SLC5A5: variants seen among roughly 807,000 people sequenced by gnomAD.
SLC5A5 encodes solute carrier family 5 member 5.
Under a neutral mutation model 68.6 loss-of-function variants are expected in SLC5A5, and 56 were observed. The observed-to-expected ratio is 0.82, with a 90% CI of 0.66 to 1.02. The LOEUF is 1.02. SLC5A5 is among the 50% of genes least tolerant of loss of function. The pLI is 0.00. For synonymous variants in SLC5A5, 398 were observed against 373.0 expected (o/e 1.07, Z -0.77); for missense variants, 807 against 859.8 (o/e 0.94, Z 0.77).
chr19:17,883,686 C>A lies in SLC5A5; in HGVS notation c.1248C>A (p.Ser416=). ...SLLGGGVLQG[S]FTVMGVISGP... ...ACTTCCACCTACTCTCCCAGGGCTC[C>A]TTCACCGTCATGGGAGTCATCAGCG... Residue 416 remains serine (S), a synonymous_variant, in exon 11 of 15, where the codon TCC becomes TCA. Transcript: ENST00000222248. The A allele has an allele frequency of 1.2e-6, 2 of 1,613,264 alleles. No individual in the cohort carries two copies. Among genetic ancestry groups the A allele is most frequent in the Non-Finnish European group, 1.7e-6 (2 of 1,179,696 alleles).
chr19:17,886,308 A>C (rs1300195273), intron 12 of SLC5A5, among the ~76,000 whole-genome samples: 2 of 131,972 alleles, frequency 1.5e-5, no homozygotes, highest in Non-Finnish European at 3.2e-5. Flanking sequence ...TAATTCTTTA[A>C]CTTTTTTTTT....
chr19:17,888,271 C>G (rs1439362084), intron 12 of SLC5A5, 60 bp from the exon 13 acceptor site: 2 of 1,606,508 alleles, frequency 1.2e-6, no homozygotes, highest in African/African-American at 1.3e-5. Context: ...GTTGGAACAG[C>G]TTTTGAGTGC....
rs557544732 is a variant in SLC5A5 at position 17,883,882 on chromosome 19, G to A, written c.1362G>A (p.Ala454=). ...GVLAGLGAGL[A]LSLWVALGAT... ...TCGCGGGACTAGGCGCGGGCTTGGC[G>A]CTGTCGCTGTGGGTGGCCTTGGGCG... The change falls in exon 12 of 15, where the codon GCG becomes GCA. Residue 454 remains alanine (A), a synonymous_variant. Coordinates refer to ENST00000222248, the MANE Select transcript of SLC5A5 (RefSeq NM_000453.3). 8 of 1,578,626 alleles carry A rather than the reference G, an allele frequency of 5.1e-6. No individual in the cohort carries two copies. Among genetic ancestry groups the A allele is most frequent in the South Asian group, 3.4e-5 (3 of 87,752 alleles).
chr19:17,894,904 A>G lies in SLC5A5; in HGVS notation c.*1027A>G, dbSNP rs1044706320. On this transcript the variant is annotated 3_prime_UTR_variant, in exon 15 of 15. Coordinates refer to ENST00000222248, the MANE Select transcript of SLC5A5 (RefSeq NM_000453.3). Reference sequence around the variant, plus strand: ...GGTATTACTGGAGGAGGATGGATGAATCCAGTGACTGGTTCCTCATATGAA... The same window carrying G: ...GGTATTACTGGAGGAGGATGGATGAGTCCAGTGACTGGTTCCTCATATGAA... The G allele has an allele frequency of 1.3e-5, 2 of 152,212 alleles. No individual in the cohort carries two copies. Among genetic ancestry groups the G allele is most frequent in the Admixed American group, 6.6e-5 (1 of 15,252 alleles). 9.4% of individuals were successfully genotyped at this position (152,212 alleles called of 1,614,324 possible).
At chr19:17,890,847 C>T (rs2030138546) in intron 13 of SLC5A5, 39 bp from the exon 14 acceptor site, 1 of 1,432,768 alleles carries the variant, frequency 7.0e-7, no homozygotes, top group Admixed American at 1.7e-5. Flanking sequence ...GACCCCTTCA[C>T]TGAATGCCTG....
At chr19:17,887,030 C>G (rs2029946705) in intron 12 of SLC5A5, among the ~76,000 whole-genome samples, 2 of 152,046 alleles carry the variant, frequency 1.3e-5, no homozygotes, top group African/African-American at 4.8e-5. Flanking sequence ...GAAGCATGAT[C>G]CCACCACTGC....
rs528009112 is a variant in SLC5A5 at position 17,892,695 on chromosome 19, A to AGAGAGAGC, written c.1768-1015_1768-1014insAGAGCGAG. Among the ~76,000 whole-genome samples, 294 of 148,666 alleles carry AGAGAGAGC rather than the reference A, an allele frequency of 2.0e-3. 5 individuals are homozygous for AGAGAGAGC. The East Asian group carries it at 0.038, about 19-fold the overall frequency. Reference sequence around the variant, plus strand: ...GAGAGAGAGAGAGAGAGAGAGAGAGAGAGCAAGCTAAAAAGAAAAACGTGT... The same window carrying AGAGAGAGC: ...GAGAGAGAGAGAGAGAGAGAGAGAGAGAGAGAGCGAGCAAGCTAAAAAGAAAAACGTGT... On this transcript the variant is annotated intron_variant, in intron 14 of 14. Coordinates refer to ENST00000222248, the MANE Select transcript of SLC5A5 (RefSeq NM_000453.3).
At chr19:17,874,302 C>G in intron 2 of SLC5A5, 99 bp downstream of exon 2, 1 of 824,360 alleles carries the variant, frequency 1.2e-6, no homozygotes, top group South Asian at 1.4e-5. Flanking sequence ...GACCCCGCCC[C>G]CCATGCTCCC....
chr19:17,874,732 G>T lies in SLC5A5; in HGVS notation c.543+1G>T, dbSNP rs1378279553. On this transcript the variant is annotated splice_donor_variant, in intron 4 of 14. Coordinates refer to ENST00000222248, the MANE Select transcript of SLC5A5 (RefSeq NM_000453.3). LOFTEE classifies it high-confidence loss of function. ...TATCTGCACCTTCTACACGGCTGTG[G>T]TGAGTGGCCCTGGGAACTCACTCCA... The T allele has an allele frequency of 1.2e-6, 2 of 1,613,980 alleles. No homozygotes were observed. The highest frequency in any genetic ancestry group is 1.7e-5 in the Admixed American group (1 of 59,992).
intron 12 of SLC5A5, among the ~76,000 whole-genome samples, chr19:17,885,162 A>G (rs2094330515): frequency 6.6e-6 from 1 of 150,740 alleles, no homozygotes; most frequent in Non-Finnish European, 1.5e-5. Flanking sequence ...GCACACCATC[A>G]TGTCCTGCTT....
chr19:17,883,810 A>G, intron 11 of SLC5A5, 40 bp from the exon 12 acceptor site: 2 of 1,603,926 alleles, frequency 1.2e-6, no homozygotes, highest in South Asian at 1.1e-5. Context: ...GCGGGGCCGG[A>G]CAGGCCCCTC....
At chr19:17,882,307 C>A in intron 10 of SLC5A5, 88 bp downstream of exon 10, 2 of 1,032,488 alleles carry the variant, frequency 1.9e-6, no homozygotes, top group South Asian at 1.3e-5. Flanking sequence ...TCAGAGAGGT[C>A]ACATGTGTCA....
At chr19:17,887,338 A>G (rs1399907056) in intron 12 of SLC5A5, among the ~76,000 whole-genome samples, 6 of 152,130 alleles carry the variant, frequency 3.9e-5, no homozygotes, top group Admixed American at 3.3e-4. Context: ...TCTGTCACCC[A>G]GGCTGGAGTG....
chr19:17,873,427 C>A (rs2094299166), intron 1 of SLC5A5, among the ~76,000 whole-genome samples: 1 of 151,894 alleles, frequency 6.6e-6, no homozygotes, highest in South Asian at 2.1e-4. Flanking sequence ...TGCACTCCAG[C>A]CTGGGCGACA....
chr19:17,874,844 C>T, intron 4 of SLC5A5, 113 bp downstream of exon 4: 1 of 955,690 alleles, frequency 1.0e-6, no homozygotes, highest in South Asian at 1.4e-5. Flanking sequence ...CCAGCTGGGA[C>T]CCAGTGTCCT....
Position 17,877,987 on chromosome 19 carries a change from G to A in SLC5A5, c.863G>A (p.Gly288Asp). 6.2e-7 allele frequency: 1 copy of A among 1,613,382 alleles called. No homozygotes were observed. The highest frequency in any genetic ancestry group is 8.5e-7 in the Non-Finnish European group (1 of 1,180,018). ...AKLALLINQV[G>D]LFLIVSSAAC... ...AGGGCCCTGCTCATCAACCAGGTCG[G>A]CCTGTTCCTGATCGTGTCCAGCGCT... The change falls in exon 7 of 15, where the codon GGC becomes GAC. Residue 288 changes from glycine to aspartate, a missense_variant. Physicochemically the swap from Gly to Asp is moderately conservative, Grantham distance 94. Coordinates refer to ENST00000222248, the MANE Select transcript of SLC5A5 (RefSeq NM_000453.3).
chr19:17,893,871 C>T lies in SLC5A5; in HGVS notation c.1926C>T (p.Asn642=), dbSNP rs35068516. ...GTGGTCGAGACCAGCAGGAGACAAA[C>T]CTCTGAGGACAGGGCCAGCCGCGGG... ...HDGGRDQQET[N]L Residue 642 remains asparagine, a synonymous_variant, in exon 15 of 15, where the codon AAC becomes AAT. Coordinates refer to ENST00000222248, the MANE Select transcript of SLC5A5 (RefSeq NM_000453.3). 3.7e-5 allele frequency: 58 copies of T among 1,563,050 alleles called. No individual in the cohort carries two copies. The highest frequency in any genetic ancestry group is 4.9e-5 in the Non-Finnish European group (57 of 1,152,026).
intron 14 of SLC5A5, among the ~76,000 whole-genome samples, chr19:17,891,714 A>T (rs2030177428): frequency 6.6e-6 from 1 of 152,236 alleles, no homozygotes; most frequent in Admixed American, 6.5e-5. Context: ...TTACATAAGA[A>T]ACACAACAGA....
chr19:17,874,031 G>C, intron 1 of SLC5A5, 107 bp from the exon 2 acceptor site: 1 of 778,184 alleles, frequency 1.3e-6, no homozygotes, highest in South Asian at 1.4e-5. Flanking sequence ...TGGCGGGCGC[G>C]GTTGGCTTCC....
Sources: allele counts gnomAD v4.1 joint callset (sites outside exome capture counted in the v4.1 genomes callset), GRCh38; gene constraint gnomAD v4.1.1; transcripts MANE v1.5; gene names NCBI Gene and HGNC (gene_info 2026-07-23, HGNC 2026-07-21).